MRE11: variants seen among roughly 807,000 people sequenced by gnomAD.
The protein encoded by MRE11 is double-strand break repair protein MRE11.
In MRE11, 62 loss-of-function variants were observed where a neutral mutation model predicts 91.7. The ratio of observed to expected loss-of-function variants is 0.68; its 90% CI spans 0.55 to 0.84. The LOEUF is 0.84. Among genes scored for constraint, MRE11 ranks in the 40% least tolerant of loss-of-function variants. MRE11 has a pLI of 0.00. For missense variants in MRE11, 796 were observed against 852.9 expected (o/e 0.93, Z 0.83); for synonymous variants, 273 against 271.4 (o/e 1.01, Z -0.06).
chr11:94,446,209 A>G (rs1945925624), intron 15 of MRE11, among the ~76,000 whole-genome samples: 1 of 152,200 alleles, frequency 6.6e-6, no homozygotes, highest in African/African-American at 2.4e-5. Context: ...AGAGTTCAAG[A>G]CTAGCCTGGC....
chr11:94,435,312 T>C (rs1420403229), intron 18 of MRE11, among the ~76,000 whole-genome samples: 1 of 152,136 alleles, frequency 6.6e-6, no homozygotes. Context: ...CCAGGCACTT[T>C]GGGAGGTCGA....
chr11:94,471,306 A>G (rs2135044480), intron 8 of MRE11, among the ~76,000 whole-genome samples: 1 of 152,156 alleles, frequency 6.6e-6, no homozygotes, highest in East Asian at 1.9e-4. Flanking sequence ...TAAAACATCT[A>G]CCTTGAAATA....
At chr11:94,473,132 T>C (rs563785402) in intron 7 of MRE11, 3 of 152,136 alleles carry the variant, frequency 2.0e-5, no homozygotes, top group African/African-American at 7.2e-5. Context: ...ATGTGTTCAG[T>C]GAATTCAAGG....
At chr11:94,443,178 A>G (rs749825403) in intron 16 of MRE11, among the ~76,000 whole-genome samples, 1 of 152,194 alleles carries the variant, frequency 6.6e-6, no homozygotes, top group Non-Finnish European at 1.5e-5. Flanking sequence ...CCATCTTTAT[A>G]TTAATTACAT....
At chr11:94,442,433 A>T (rs1945806021) in intron 16 of MRE11, among the ~76,000 whole-genome samples, 1 of 152,210 alleles carries the variant, frequency 6.6e-6, no homozygotes, top group African/African-American at 2.4e-5. Context: ...AAAGCTTAAC[A>T]TAAAACAAGC....
At chr11:94,429,649 C>T (rs765112330) in intron 19 of MRE11, among the ~76,000 whole-genome samples, 1 of 152,152 alleles carries the variant, frequency 6.6e-6, no homozygotes, top group Non-Finnish European at 1.5e-5. Flanking sequence ...GAACAACAGA[C>T]ACTGTGGACT....
the MRE11 span, among the ~76,000 whole-genome samples, chr11:94,505,411 AT>A: frequency 6.6e-6 from 1 of 152,156 alleles, no homozygotes; most frequent in African/African-American, 2.4e-5. Flanking sequence ...GTATGTGTTT[AT>A]GTCTTTGTTT....
In MRE11 at chr11:94,480,682, A is replaced by G. The variant is rs535665051; in HGVS notation, c.315-921T>C. On this transcript the variant is annotated intron_variant, in intron 4 of 19. Transcript: ENST00000323929. ...AATTTCCCACCATAGAGATTTACAC[A>G]TAATGCAATGGCAGTGCACAAGAGG... 2.0e-5 allele frequency among the ~76,000 whole-genome samples: 3 copies of G among 152,348 alleles called. No homozygotes were observed. In the South Asian group the frequency reaches 6.2e-4, roughly 32 times the overall value.
the MRE11 span, among the ~76,000 whole-genome samples, chr11:94,503,706 A>AG: frequency 9.9e-5 from 15 of 151,902 alleles, no homozygotes; most frequent in African/African-American, 3.4e-4. Context: ...AAAAAAAAAA[A>AG]AAGAAAGAAA....
intron 9 of MRE11, among the ~76,000 whole-genome samples, chr11:94,468,811 T>C (rs1434191228): frequency 9.7e-6 from 1 of 103,280 alleles, no homozygotes; most frequent in African/African-American, 3.8e-5. Context: ...GAATTTTAAA[T>C]TTAAATGTAA....
intron 3 of MRE11, among the ~76,000 whole-genome samples, chr11:94,488,723 A>G (rs745824056): frequency 4.6e-5 from 7 of 152,120 alleles, no homozygotes; most frequent in Non-Finnish European, 8.8e-5. Flanking sequence ...AAATACTTGT[A>G]AGTGGGAGCT....
rs143618836 is a variant in MRE11 at position 94,426,860 on chromosome 11, G to C, written c.2070+3051C>G. Among the ~76,000 whole-genome samples, 527 of 152,108 alleles carry C rather than the reference G, an allele frequency of 3.5e-3. 4 individuals carry two copies. Among genetic ancestry groups the C allele is most frequent in the African/African-American group, 0.012 (504 of 41,514 alleles). ...CTCCCAAGATTGAACCAGGAAGAAA[G>C]TGAAAACCTGAACAGACCAATAATA... is the stretch of plus-strand genomic sequence containing the variant. On this transcript the variant is annotated intron_variant, in intron 19 of 19. Coordinates refer to ENST00000323929, the MANE Select transcript of MRE11 (RefSeq NM_005591.4).
intron 19 of MRE11, among the ~76,000 whole-genome samples, chr11:94,424,487 C>T (rs189876447): frequency 1.5e-3 from 229 of 152,292 alleles, no homozygotes; most frequent in Non-Finnish European, 2.8e-3. Flanking sequence ...GCTAGCTCAC[C>T]AACAATAGTT....
chr11:94,426,153 A>C (rs1361549919), intron 19 of MRE11, among the ~76,000 whole-genome samples: 1 of 152,208 alleles, frequency 6.6e-6, no homozygotes, highest in East Asian at 1.9e-4. Context: ...CAATAAAAAG[A>C]GATATCAATA....
At chr11:94,420,559 C>T (rs565401324) in intron 19 of MRE11, among the ~76,000 whole-genome samples, 13 of 152,050 alleles carry the variant, frequency 8.5e-5, no homozygotes, top group African/African-American at 1.4e-4. Context: ...AAATTCACAG[C>T]GAAAAAATAA....
Position 94,492,765 on chromosome 11 carries a change from A to T in MRE11, c.20+17T>A. The T allele has an allele frequency of 6.2e-7, 1 of 1,614,030 alleles. No homozygotes were observed. ...GAAACCCCAAATAACAAGGGATTCC[A>T]GAAGTCAGGTGCTTACAGTGCATCT... On this transcript the variant is annotated intron_variant, in intron 2 of 19. Coordinates refer to ENST00000323929, the MANE Select transcript of MRE11 (RefSeq NM_005591.4).
At chr11:94,458,173 AG>A (rs1946312060) in intron 13 of MRE11, among the ~76,000 whole-genome samples, 1 of 151,786 alleles carries the variant, frequency 6.6e-6, no homozygotes, top group South Asian at 2.1e-4. Flanking sequence ...CACTAAAATA[AG>A]GGAATGAGTT....
At chr11:94,496,262 T>TAGAC (rs1591735432), upstream of MRE11, among the ~76,000 whole-genome samples, 3 of 152,320 alleles carry the variant, frequency 2.0e-5, no homozygotes, top group South Asian at 6.2e-4. Flanking sequence ...TATAAAAATC[T>TAGAC]TGAATGCACC....
the MRE11 span, among the ~76,000 whole-genome samples, chr11:94,503,743 T>C: frequency 2.2e-5 from 3 of 138,516 alleles, no homozygotes; most frequent in African/African-American, 8.1e-5. Context: ...TTTTATAACC[T>C]AATTTTAAGA....
Sources: allele counts gnomAD v4.1 joint callset (sites outside exome capture counted in the v4.1 genomes callset), GRCh38; gene constraint gnomAD v4.1.1; transcripts MANE v1.5; gene names NCBI Gene and HGNC (gene_info 2026-07-23, HGNC 2026-07-21).